Variants in MOB3B observed in about 807,000 individuals in gnomAD.
MOB3B encodes the protein MOB kinase activator-like 2B.
In MOB3B, 7 loss-of-function variants were observed where a neutral mutation model predicts 18.7. The ratio of observed to expected loss-of-function variants is 0.37; its 90% CI spans 0.21 to 0.70. The LOEUF is 0.70. MOB3B is among the 30% of genes least tolerant of loss of function. The pLI, the probability that MOB3B is intolerant of heterozygous loss-of-function variation, is 0.52. For missense variants in MOB3B, 253 were observed against 281.3 expected (o/e 0.90, Z 0.72); for synonymous variants, 111 against 99.9 (o/e 1.11, Z -0.66).
intron 1 of MOB3B, among the ~76,000 whole-genome samples, chr9:27,492,317 TGAATA>T (rs775138557): frequency 2.5e-4 from 38 of 152,042 alleles, no homozygotes; most frequent in Admixed American, 8.5e-4. Context: ...TTCCTTTAAT[TGAATA>T]GAAAAGATTA....
chr9:27,475,894 T>C (rs555260706), intron 1 of MOB3B, among the ~76,000 whole-genome samples: 1 of 152,316 alleles, frequency 6.6e-6, no homozygotes, highest in South Asian at 2.1e-4. Flanking sequence ...TTGCACTGCC[T>C]CCACTTCTGC....
At chr9:27,383,579 G>A (rs1212820465) in intron 2 of MOB3B, among the ~76,000 whole-genome samples, 6 of 152,164 alleles carry the variant, frequency 3.9e-5, no homozygotes, top group African/African-American at 9.7e-5. Flanking sequence ...AAGTCAAGAA[G>A]GACAAGCTGC....
chr9:27,377,855 T>A (rs1037712468), intron 2 of MOB3B, among the ~76,000 whole-genome samples: 1 of 152,234 alleles, frequency 6.6e-6, no homozygotes, highest in Admixed American at 6.5e-5. Context: ...TACAGAAGTG[T>A]GGATAGTGAC....
At chr9:27,406,672 T>C (rs1053236773) in intron 2 of MOB3B, among the ~76,000 whole-genome samples, 10 of 152,192 alleles carry the variant, frequency 6.6e-5, no homozygotes, top group African/African-American at 2.4e-4. Flanking sequence ...CTGGGAAGAC[T>C]AGATATCCAT....
At chr9:27,488,884 G>C (rs557605260) in intron 1 of MOB3B, among the ~76,000 whole-genome samples, 7 of 152,300 alleles carry the variant, frequency 4.6e-5, no homozygotes, top group African/African-American at 1.2e-4. Flanking sequence ...TGTTGTGCCA[G>C]GGCTGACAAA....
Position 27,330,220 on chromosome 9 carries a change from C to A in MOB3B, c.*367G>T, listed in dbSNP as rs751845692. 1.1e-5 allele frequency: 2 copies of A among 181,046 alleles called. No homozygotes were observed. Among genetic ancestry groups the A allele is most frequent in the African/African-American group, 2.3e-5 (1 of 42,556 alleles). The allele number at this position is 181,046 out of a possible 1,614,324, so 11.2% of individuals were successfully genotyped here. On this transcript the variant is annotated 3_prime_UTR_variant, in exon 4 of 4. Coordinates refer to ENST00000262244, the MANE Select transcript of MOB3B (RefSeq NM_024761.5). ...GACAAGACAGATAAGTGGAAAAATA[C>A]GAACACGCATCTCAGTCTCAAAACC...
chr9:27,412,816 T>C (rs1014137219), intron 2 of MOB3B, among the ~76,000 whole-genome samples: 1 of 152,194 alleles, frequency 6.6e-6, no homozygotes, highest in African/African-American at 2.4e-5. Context: ...CAATAGCCTA[T>C]TGCTGTCTAC....
At chr9:27,490,835 C>T (rs1192620071) in intron 1 of MOB3B, among the ~76,000 whole-genome samples, 1 of 152,068 alleles carries the variant, frequency 6.6e-6, no homozygotes, top group South Asian at 2.1e-4. Context: ...TAAATACCAT[C>T]GATGCTGTAG....
chr9:27,365,079 T>C (rs1821322925), intron 2 of MOB3B, among the ~76,000 whole-genome samples: 1 of 150,626 alleles, frequency 6.6e-6, no homozygotes, highest in Non-Finnish European at 1.5e-5. Flanking sequence ...CAGGGAATAC[T>C]TCATCGATCA....
chr9:27,490,174 C>A (rs1050792291), intron 1 of MOB3B, among the ~76,000 whole-genome samples: 1 of 152,128 alleles, frequency 6.6e-6, no homozygotes, highest in Non-Finnish European at 1.5e-5. Flanking sequence ...ATGGTCCAAT[C>A]CCCCTACTAC....
intron 2 of MOB3B, among the ~76,000 whole-genome samples, chr9:27,377,402 A>C (rs1821504788): frequency 6.6e-6 from 1 of 152,184 alleles, no homozygotes. Flanking sequence ...GGAAGTGCTG[A>C]AAATACACGG....
At chr9:27,368,742 A>AGAGTC (rs1157869332) in intron 2 of MOB3B, among the ~76,000 whole-genome samples, 4 of 152,102 alleles carry the variant, frequency 2.6e-5, no homozygotes, top group African/African-American at 9.7e-5. Flanking sequence ...GTGGTATGTG[A>AGAGTC]TTATATGTTC....
intron 2 of MOB3B, among the ~76,000 whole-genome samples, chr9:27,407,311 TG>T (rs1200915560): frequency 6.6e-6 from 1 of 152,232 alleles, no homozygotes; most frequent in Non-Finnish European, 1.5e-5. Flanking sequence ...ATTCTGGAGC[TG>T]TTCTTTTCAT....
chr9:27,359,065 T>C lies in MOB3B; in HGVS notation c.590A>G (p.Asn197Ser). ...KHFYYFVTEM[N>S]LIDRKELEPL... ...CTCTAGCTCCTTGCGGTCTATGAGG[T>C]TCATCTCTGTGACAAAGTAATAGAA... The change falls in exon 3 of 4, where the codon AAC becomes AGC. Residue 197 changes from asparagine to serine, a missense_variant. Asn to Ser is a conservative substitution (Grantham distance 46). Coordinates refer to ENST00000262244, the MANE Select transcript of MOB3B (RefSeq NM_024761.5). 6.2e-7 allele frequency: 1 copy of C among 1,614,136 alleles called. No homozygotes were observed. The highest frequency in any genetic ancestry group is 8.5e-7 in the Non-Finnish European group (1 of 1,180,032).
intron 1 of MOB3B, among the ~76,000 whole-genome samples, chr9:27,518,148 C>A (rs1820267180): frequency 6.6e-6 from 1 of 152,186 alleles, no homozygotes; most frequent in Non-Finnish European, 1.5e-5. Flanking sequence ...TGTCAAGAAA[C>A]CTTATGACCA....
intron 1 of MOB3B, among the ~76,000 whole-genome samples, chr9:27,528,462 CCT>C (rs1820474243): frequency 6.6e-6 from 1 of 152,230 alleles, no homozygotes; most frequent in Non-Finnish European, 1.5e-5. Context: ...AGAAATGCGC[CCT>C]GGGCCACAGG....
At chr9:27,501,255 A>G (rs1342229278) in intron 1 of MOB3B, among the ~76,000 whole-genome samples, 1 of 152,216 alleles carries the variant, frequency 6.6e-6, no homozygotes, top group Non-Finnish European at 1.5e-5. Context: ...TACTGGGTGT[A>G]TACCCAAAGG....
At chr9:27,528,203 C>T (rs755171273) in intron 1 of MOB3B, among the ~76,000 whole-genome samples, 1 of 152,222 alleles carries the variant, frequency 6.6e-6, no homozygotes, top group Non-Finnish European at 1.5e-5. Context: ...CTCTTTTTGG[C>T]GACTAGCCTG....
chr9:27,419,868 A>G (rs1211442256), intron 2 of MOB3B, among the ~76,000 whole-genome samples: 1 of 152,204 alleles, frequency 6.6e-6, no homozygotes, highest in East Asian at 1.9e-4. Flanking sequence ...TAAATAGAAA[A>G]CCCACAGAGT....
Sources: gnomAD v4.1 joint callset for allele counts (sites outside exome capture counted in the v4.1 genomes callset) on GRCh38, gnomAD v4.1.1 for gene constraint, MANE v1.5 for transcripts, NCBI Gene and HGNC (gene_info 2026-07-23, HGNC 2026-07-21) for gene names.